The following CACNA1C variants were observed in gnomAD, a reference collection of about 807,000 sequenced individuals.
The protein encoded by CACNA1C is voltage-dependent L-type calcium channel subunit alpha-1C.
Under a neutral mutation model 229.0 loss-of-function variants are expected in CACNA1C, and 30 were observed. The observed-to-expected ratio is 0.13, with a 90% confidence interval of 0.10 to 0.18. The LOEUF (loss-of-function observed/expected upper bound fraction) is 0.18. CACNA1C is among the 10% of genes least tolerant of loss of function. The pLI is 1.00. For synonymous variants in CACNA1C, 1,114 were observed against 1,132.5 expected (o/e 0.98, Z 0.33); for missense variants, 1,658 against 2,845.0 (o/e 0.58, Z 9.49).
At chr12:2,130,325 T>C (rs893930737) in intron 3 of CACNA1C, among the ~76,000 whole-genome samples, 1 of 151,304 alleles carries the variant, frequency 6.6e-6, no homozygotes, top group East Asian at 1.9e-4. Flanking sequence ...TATTATACTT[T>C]AGGTTTTAGG....
chr12:2,643,030 C>T (rs1231780120), intron 30 of CACNA1C, among the ~76,000 whole-genome samples: 1 of 152,230 alleles, frequency 6.6e-6, no homozygotes, highest in African/African-American at 2.4e-5. Context: ...CACAGCTTCA[C>T]ACACAAAGCA....
chr12:2,459,418 A>G (rs2099483176), intron 5 of CACNA1C, among the ~76,000 whole-genome samples: 1 of 152,082 alleles, frequency 6.6e-6, no homozygotes, highest in Non-Finnish European at 1.5e-5. Context: ...CCCACACAAC[A>G]TAAGCAAAGG....
chr12:2,093,476 A>G (rs183566687), intron 1 of CACNA1C, among the ~76,000 whole-genome samples: 1 of 152,336 alleles, frequency 6.6e-6, no homozygotes. Flanking sequence ...CAAGGCCATG[A>G]GCTGCACAGA....
chr12:2,291,493 G>C (rs886435258), intron 3 of CACNA1C, among the ~76,000 whole-genome samples: 2 of 152,212 alleles, frequency 1.3e-5, no homozygotes, highest in African/African-American at 4.8e-5. Context: ...TTTTGCAACT[G>C]TTTTAATTAC....
intron 3 of CACNA1C, among the ~76,000 whole-genome samples, chr12:2,274,092 G>C (rs1025949356): frequency 6.6e-6 from 1 of 152,194 alleles, no homozygotes; most frequent in Non-Finnish European, 1.5e-5. Flanking sequence ...GTCCCACTTG[G>C]GTGCTTGATA....
intron 30 of CACNA1C, among the ~76,000 whole-genome samples, chr12:2,638,037 G>C (rs564364791): frequency 2.0e-5 from 3 of 152,032 alleles, no homozygotes; most frequent in Admixed American, 2.0e-4. Flanking sequence ...CTTCCTATAC[G>C]TCAGGCACCG....
intron 13 of CACNA1C, among the ~76,000 whole-genome samples, chr12:2,573,146 C>T (rs1316988973): frequency 6.6e-6 from 1 of 152,128 alleles, no homozygotes; most frequent in Non-Finnish European, 1.5e-5. Flanking sequence ...AACTCCTGGG[C>T]TCAAGTGATA....
intron 29 of CACNA1C, among the ~76,000 whole-genome samples, chr12:2,631,899 C>G (rs895966220): frequency 2.0e-5 from 3 of 152,192 alleles, no homozygotes; most frequent in Admixed American, 2.0e-4. Context: ...TTCGGTCCCT[C>G]TGGAAAGAGG....
chr12:2,277,358 GACAGAC>G (rs1460208658), intron 3 of CACNA1C, among the ~76,000 whole-genome samples: 310 of 82,998 alleles, frequency 3.7e-3, no homozygotes, highest in Admixed American at 5.0e-3. Context: ...CAGACAGACA[GACAGAC>G]ACACACACAC....
chr12:2,156,399 A>G (rs1043128493), intron 3 of CACNA1C, among the ~76,000 whole-genome samples: 4 of 152,250 alleles, frequency 2.6e-5, no homozygotes, highest in Admixed American at 2.0e-4. Flanking sequence ...CCACACTAAC[A>G]TGATGGTAAA....
chr12:2,170,103 A>G (rs893585716), intron 3 of CACNA1C, among the ~76,000 whole-genome samples: 2 of 152,216 alleles, frequency 1.3e-5, no homozygotes, highest in Non-Finnish European at 1.5e-5. Flanking sequence ...GGCTCATAGT[A>G]GATGCTTAGG....
chr12:2,073,790 C>T (rs2062179807), intron 1 of CACNA1C, among the ~76,000 whole-genome samples: 1 of 152,164 alleles, frequency 6.6e-6, no homozygotes, highest in Non-Finnish European at 1.5e-5. Context: ...GGAAATCATC[C>T]TGTGGATGAT....
intron 3 of CACNA1C, among the ~76,000 whole-genome samples, chr12:2,223,697 C>T (rs1419623334): frequency 6.6e-6 from 1 of 152,136 alleles, no homozygotes; most frequent in Non-Finnish European, 1.5e-5. Flanking sequence ...TATCCTTCCT[C>T]TTATAGAGTT....
chr12:2,093,451 A>G (rs1305817955), intron 1 of CACNA1C, among the ~76,000 whole-genome samples: 1 of 152,222 alleles, frequency 6.6e-6, no homozygotes, highest in African/African-American at 2.4e-5. Flanking sequence ...ACATGGATAT[A>G]AGAAAGGCAG....
chr12:2,600,650 G>C (rs1372599862), intron 21 of CACNA1C, among the ~76,000 whole-genome samples: 2 of 152,260 alleles, frequency 1.3e-5, no homozygotes, highest in African/African-American at 4.8e-5. Flanking sequence ...AGCACCTGCA[G>C]TGCGCAGCTT....
chr12:2,433,465 A>G (rs954607753), intron 3 of CACNA1C, among the ~76,000 whole-genome samples: 4 of 152,202 alleles, frequency 2.6e-5, no homozygotes, highest in African/African-American at 9.6e-5. Context: ...CCATTCATCT[A>G]TCCACCCATC....
At chr12:2,644,398 A>AT (rs1393102551) in intron 30 of CACNA1C, among the ~76,000 whole-genome samples, 1 of 152,220 alleles carries the variant, frequency 6.6e-6, no homozygotes, top group Non-Finnish European at 1.5e-5. Flanking sequence ...TGGGTTGGGT[A>AT]TTCCAGCCTA....
intron 7 of CACNA1C, among the ~76,000 whole-genome samples, chr12:2,498,940 T>G (rs1468103860): frequency 2.6e-5 from 4 of 152,232 alleles, no homozygotes; most frequent in Non-Finnish European, 5.9e-5. Context: ...GTCCATCTGA[T>G]TCCAGGGAGT....
chr12:2,433,859 C>T (rs1237533066), intron 3 of CACNA1C, among the ~76,000 whole-genome samples: 2 of 152,136 alleles, frequency 1.3e-5, no homozygotes, highest in East Asian at 1.9e-4. Flanking sequence ...ATGGGCCCTT[C>T]GCATGGCTGG....
Sources: allele counts gnomAD v4.1 joint callset (sites outside exome capture counted in the v4.1 genomes callset), GRCh38; gene constraint gnomAD v4.1.1; transcripts MANE v1.5; gene names NCBI Gene and HGNC (gene_info 2026-07-23, HGNC 2026-07-21).